The following VWA8 variants were observed in gnomAD, a reference collection of about 807,000 sequenced individuals.
VWA8 encodes the protein von Willebrand factor A domain-containing protein 8.
VWA8 carries 221 observed loss-of-function variants against 241.5 expected under a neutral mutation model. The observed-to-expected ratio is 0.91, with a 90% CI of 0.82 to 1.02. The LOEUF is 1.02. VWA8 is among the 50% of genes least tolerant of loss of function. The pLI is 0.00. For synonymous variants in VWA8, 852 were observed against 827.1 expected, an observed-to-expected ratio of 1.03 and a Z score of -0.52; for missense variants, 2,322 against 2,328.7, an observed-to-expected ratio of 1.00 and a Z score of 0.06.
chr13:41,772,047 C>T (rs890463962), intron 20 of VWA8, among the ~76,000 whole-genome samples: 1 of 151,670 alleles, frequency 6.6e-6, no homozygotes, highest in Non-Finnish European at 1.5e-5. Flanking sequence ...TGAACCACCA[C>T]GCCTGGCTAA....
intron 37 of VWA8, among the ~76,000 whole-genome samples, chr13:41,638,626 T>C (rs1388650439): frequency 1.3e-5 from 2 of 152,204 alleles, no homozygotes; most frequent in Admixed American, 6.5e-5. Context: ...ATTTAGAACA[T>C]GGAAGTTACT....
At chr13:41,821,911 A>G (rs2137987941) in intron 14 of VWA8, among the ~76,000 whole-genome samples, 1 of 152,242 alleles carries the variant, frequency 6.6e-6, no homozygotes, top group Middle Eastern at 3.4e-3. Flanking sequence ...GACAAAAAAG[A>G]GCACACACTG....
At chr13:41,683,166 C>T (rs1239310986) in intron 35 of VWA8, among the ~76,000 whole-genome samples, 1 of 151,614 alleles carries the variant, frequency 6.6e-6, no homozygotes, top group African/African-American at 2.4e-5. Context: ...TCTTTATTGC[C>T]CAAAACTGGA....
intron 42 of VWA8, among the ~76,000 whole-genome samples, chr13:41,581,749 G>C (rs2044384816): frequency 6.6e-6 from 1 of 151,616 alleles, no homozygotes. Context: ...CTCTTTTCTG[G>C]TCCCACTATT....
intron 20 of VWA8, among the ~76,000 whole-genome samples, chr13:41,774,906 T>C (rs1868518659): frequency 6.6e-6 from 1 of 152,246 alleles, no homozygotes; most frequent in East Asian, 1.9e-4. Context: ...GGAAGGAAGG[T>C]CTTTGGGTAC....
intron 21 of VWA8, among the ~76,000 whole-genome samples, chr13:41,759,163 T>G (rs2045720958): frequency 6.6e-6 from 1 of 151,648 alleles, no homozygotes; most frequent in Non-Finnish European, 1.5e-5. Context: ...ACTCAGTTTT[T>G]GTCTGAAAAT....
intron 21 of VWA8, among the ~76,000 whole-genome samples, chr13:41,748,890 T>C (rs1593742306): frequency 1.3e-5 from 2 of 152,134 alleles, no homozygotes; most frequent in South Asian, 4.1e-4. Flanking sequence ...ATGTTAGACC[T>C]AAAACCATAA....
Position 41,850,493 on chromosome 13 carries a change from T to G in VWA8, c.1425+15243A>C, listed in dbSNP as rs559672069. 9.9e-5 allele frequency among the ~76,000 whole-genome samples: 15 copies of G among 152,260 alleles called. No individual in the cohort carries two copies. In the South Asian group the frequency reaches 1.7e-3, roughly 17 times the overall value. On this transcript the variant is annotated intron_variant, in intron 12 of 44. Transcript: ENST00000379310. ...ACTCTGAAGACTCAGCCTCAAGGTC[T>G]GCCATAGCACTATGTTAGGTCCCAT...
chr13:41,751,226 G>T (rs1482399098), intron 21 of VWA8, among the ~76,000 whole-genome samples: 1 of 152,156 alleles, frequency 6.6e-6, no homozygotes, highest in East Asian at 1.9e-4. Context: ...ACATGGAAAA[G>T]TAGAGGAACT....
rs766146753 is a variant in VWA8 at position 41,689,433 on chromosome 13, T to C, written c.4052A>G (p.Gln1351Arg). 1.4e-5 allele frequency: 23 copies of C among 1,612,116 alleles called. No homozygotes were observed. The highest frequency in any genetic ancestry group is 1.7e-4 in the Middle Eastern group (1 of 6,060). ...SSEHLSSAVE[Q>R]KIASPNRILS... Reference sequence around the variant, plus strand: ...AATTCTGTTGGGAGAGGCAATCTTTTGTTCCACAGCTGAACTTAGATGTTC... The same window carrying C: ...AATTCTGTTGGGAGAGGCAATCTTTCGTTCCACAGCTGAACTTAGATGTTC... Residue 1351 changes from glutamine to arginine, a missense_variant, in exon 34 of 45, where the codon CAA becomes CGA. Gln to Arg is a conservative substitution (Grantham distance 43). Transcript: ENST00000379310.
In VWA8 at chr13:41,816,773, G is replaced by A. The variant is rs531753548; in HGVS notation, c.1872C>T (p.Val624=). The change falls in exon 16 of 45, where the codon GTC becomes GTT. Residue 624 remains valine, a splice_region_variant and synonymous_variant. Coordinates refer to ENST00000379310, the MANE Select transcript of VWA8 (RefSeq NM_015058.2). The part of the protein sequence containing the change: ...SEEIQVIKEK[V]PNVPQEALDK... The stretch of plus-strand genomic sequence containing the variant: ...CCAGAGCTTCCTGAGGTACATTTGG[G>A]ACCTATTTTTTGAAAGAGTTGAGGA... 1 of 1,611,958 alleles carries A rather than the reference G, an allele frequency of 6.2e-7. No individual in the cohort carries two copies. Among genetic ancestry groups the A allele is most frequent in the South Asian group, 1.1e-5 (1 of 90,504 alleles).
chr13:41,621,929 A>G (rs1303954803), intron 37 of VWA8, among the ~76,000 whole-genome samples: 1 of 152,176 alleles, frequency 6.6e-6, no homozygotes, highest in East Asian at 1.9e-4. Flanking sequence ...TGCCAACACA[A>G]GGCAGTTTCA....
intron 19 of VWA8, among the ~76,000 whole-genome samples, chr13:41,781,902 A>G (rs540485913): frequency 2.2e-4 from 34 of 152,334 alleles, no homozygotes; most frequent in African/African-American, 7.9e-4. Flanking sequence ...TTAAAAGTCC[A>G]TTTCAACACA....
chr13:41,852,610 A>G (rs1257753922), intron 12 of VWA8, among the ~76,000 whole-genome samples: 1 of 152,038 alleles, frequency 6.6e-6, no homozygotes, highest in East Asian at 1.9e-4. Context: ...TTATGTATTT[A>G]ATCCATTCTT....
intron 13 of VWA8, among the ~76,000 whole-genome samples, chr13:41,832,140 A>G (rs564504667): frequency 5.9e-4 from 90 of 151,498 alleles, no homozygotes; most frequent in African/African-American, 2.1e-3. Flanking sequence ...CATCTTAGCC[A>G]GGATGATCTC....
intron 19 of VWA8, among the ~76,000 whole-genome samples, chr13:41,782,683 TTTA>T (rs1304659177): frequency 1.3e-5 from 2 of 152,066 alleles, no homozygotes; most frequent in Non-Finnish European, 2.9e-5. Context: ...AACCAAGATT[TTTA>T]TTAAGAATAA....
chr13:41,662,001 T>A (rs1229258933), intron 37 of VWA8, among the ~76,000 whole-genome samples: 2 of 152,254 alleles, frequency 1.3e-5, no homozygotes, highest in Non-Finnish European at 2.9e-5. Context: ...TTCATTGATT[T>A]AATTTTTTTG....
intron 20 of VWA8, among the ~76,000 whole-genome samples, chr13:41,764,012 C>G (rs867817124): frequency 6.6e-6 from 1 of 152,156 alleles, no homozygotes; most frequent in Non-Finnish European, 1.5e-5. Context: ...TCAGTCATCA[C>G]AGACAGCTCA....
intron 12 of VWA8, among the ~76,000 whole-genome samples, chr13:41,845,151 T>C (rs766980062): frequency 4.6e-5 from 7 of 152,238 alleles, no homozygotes; most frequent in Middle Eastern, 3.4e-3. Context: ...CATGAAAAGA[T>C]ACTTCTCAGA....
Sources: gnomAD v4.1 joint callset for allele counts (sites outside exome capture counted in the v4.1 genomes callset) on GRCh38, gnomAD v4.1.1 for gene constraint, MANE v1.5 for transcripts, NCBI Gene and HGNC (gene_info 2026-07-23, HGNC 2026-07-21) for gene names.